The following ZNF493 variants were observed in gnomAD, a reference collection of about 807,000 sequenced individuals.
ZNF493 encodes the protein zinc finger protein 493.
Under a neutral mutation model 12.2 loss-of-function variants are expected in ZNF493, and 11 were observed. That is an observed-to-expected ratio of 0.90 (90% CI 0.57 to 1.50). ZNF493 has a LOEUF of 1.50. ZNF493 is among the 40% of genes most tolerant of loss of function. The probability of loss-of-function intolerance (pLI) is 0.00; values close to 1 mark genes in which losing one functional copy is unlikely to be tolerated. For missense variants in ZNF493, 950 were observed against 906.6 expected, an observed-to-expected ratio of 1.05 and a Z score of -0.61; for synonymous variants, 286 against 302.6, an observed-to-expected ratio of 0.95 and a Z score of 0.57.
intron 3 of ZNF493, among the ~76,000 whole-genome samples, chr19:21,417,893 T>A (rs895546900): frequency 6.6e-6 from 1 of 152,126 alleles, no homozygotes; most frequent in African/African-American, 2.4e-5. Context: ...TCTTTAAGAG[T>A]CTTATTACAA....
chr19:21,411,444 G>A (rs2145285094), intron 3 of ZNF493, among the ~76,000 whole-genome samples: 1 of 152,204 alleles, frequency 6.6e-6, no homozygotes, highest in Admixed American at 6.5e-5. Flanking sequence ...AGCAGGTTGG[G>A]TGCGCTGTCT....
At chr19:21,408,864 A>G (rs1015814924) in intron 3 of ZNF493, 21 of 853,208 alleles carry the variant, frequency 2.5e-5, no homozygotes, top group Middle Eastern at 1.2e-3. Flanking sequence ...TATCTTGTAT[A>G]TATTCTTTCT....
In ZNF493 at chr19:21,405,846, C is replaced by T; in HGVS notation, c.243C>T (p.Val81=). 3 of 1,442,392 alleles carry T rather than the reference C, an allele frequency of 2.1e-6. No homozygotes were observed. The highest frequency in any genetic ancestry group is 2.8e-6 in the Non-Finnish European group (3 of 1,079,822). The allele number at this position is 1,442,392 out of a possible 1,614,324, so 89.3% of individuals were successfully genotyped here. A position where few individuals can be genotyped will look rare whatever the true frequency, so the allele number is the denominator to read the frequency against. Residue 81 remains valine, a synonymous_variant, in exon 3 of 4, where the codon GTC becomes GTT. Coordinates refer to ENST00000392288, the MANE Select transcript of ZNF493 (RefSeq NM_001076678.3). ...PWNMKGHSTV[V]KPPVICSHFA... is the part of the protein sequence containing the mutation. Reference sequence around the variant, plus strand: ...ATATGAAGGGACACAGTACGGTAGTCAAACCCCCAGGTAGGTGAGAGTGAA... The same window carrying T: ...ATATGAAGGGACACAGTACGGTAGTTAAACCCCCAGGTAGGTGAGAGTGAA...
chr19:21,417,550 G>A (rs985496782), intron 3 of ZNF493, among the ~76,000 whole-genome samples: 3 of 152,034 alleles, frequency 2.0e-5, no homozygotes, highest in African/African-American at 7.2e-5. Context: ...ATCCATATAC[G>A]GTTCTTTTGG....
chr19:21,421,181 T>C lies in ZNF493; in HGVS notation c.254-1732T>C, dbSNP rs2030666622. 2.0e-5 allele frequency among the ~76,000 whole-genome samples: 3 copies of C among 151,486 alleles called. No homozygotes were observed. The South Asian group carries it at 6.3e-4, about 32-fold the overall frequency. On this transcript the variant is annotated intron_variant, in intron 3 of 3. Transcript: ENST00000392288. ...TTTGTTGAGCTTTTTTATTTTTACA[T>C]CATTTTTCAAGATTTTTCAGGGTTT...
At chr19:21,412,582 G>GCTACTTCTACTT (rs144913743) in intron 3 of ZNF493, 1 of 157,798 alleles carries the variant, frequency 6.3e-6, no homozygotes, top group Non-Finnish European at 1.4e-5. Context: ...GTCACGGTGA[G>GCTACTTCTACTT]CTACTTCTCG....
Position 21,423,336 on chromosome 19 carries a change from C to A in ZNF493, c.677C>A (p.Thr226Asn). Reference protein sequence around the residue: ...GKAFIWFSTLTRHRRVHTGEK... With the variant: ...GKAFIWFSTLNRHRRVHTGEK... ...GCCTTTATCTGGTTTTCAACCCTTACTAGACACAGGAGAGTTCATACTGGA... is the reference window on the plus strand; with the variant it reads ...GCCTTTATCTGGTTTTCAACCCTTAATAGACACAGGAGAGTTCATACTGGA... The change falls in exon 4 of 4, where the codon ACT becomes AAT. Residue 226 changes from threonine (T) to asparagine (N), a missense_variant. Transcript: ENST00000392288. The A allele has an allele frequency of 6.2e-7, 1 of 1,613,680 alleles. No homozygotes were observed.
chr19:21,417,303 T>A (rs2030524210), intron 3 of ZNF493, among the ~76,000 whole-genome samples: 1 of 152,190 alleles, frequency 6.6e-6, no homozygotes, highest in Non-Finnish European at 1.5e-5. Flanking sequence ...GAGTATTTCC[T>A]TTATCCACTC....
chr19:21,401,552 G>A (rs1331639486), intron 1 of ZNF493, among the ~76,000 whole-genome samples: 3 of 151,816 alleles, frequency 2.0e-5, no homozygotes, highest in African/African-American at 7.3e-5. Context: ...TTTACATCTG[G>A]TAGAATTCAG....
chr19:21,420,946 C>G (rs1406440226), intron 3 of ZNF493, among the ~76,000 whole-genome samples: 1 of 151,596 alleles, frequency 6.6e-6, no homozygotes, highest in African/African-American at 2.4e-5. Context: ...ATGGGTTCCC[C>G]CATGTTGGTC....
chr19:21,412,397 C>T (rs540338475), intron 3 of ZNF493: 5 of 152,558 alleles, frequency 3.3e-5, no homozygotes, highest in African/African-American at 7.2e-5. Flanking sequence ...GCCCTCATTC[C>T]GGTAAACCGA....
intron 3 of ZNF493, among the ~76,000 whole-genome samples, chr19:21,422,656 A>G (rs1031326257): frequency 6.6e-6 from 1 of 151,946 alleles, no homozygotes; most frequent in Non-Finnish European, 1.5e-5. Context: ...TGTTGGGTAA[A>G]TGTAACAAAC....
chr19:21,420,591 T>TATATATATATATA (rs2030628079), intron 3 of ZNF493, among the ~76,000 whole-genome samples: 3 of 10,680 alleles, frequency 2.8e-4, no homozygotes, highest in African/African-American at 1.4e-3. Flanking sequence ...ACTCACTTGA[T>TATATATATATATA]TATATATATA....
chr19:21,422,860 A>G (rs960660581), intron 3 of ZNF493, 53 bp from the exon 4 acceptor site: 50 of 1,435,554 alleles, frequency 3.5e-5, no homozygotes, highest in East Asian at 4.6e-5. Context: ...TTTGTAATCT[A>G]TATTTATCTG....
rs926024968 is a variant in ZNF493, at chr19:21,425,397, C to T, written c.*413C>T. ...CAAAGCTTTTTACTGATTCTTATACCTTACTAAACATAAAATAATTCATAA... is the reference window on the plus strand; with the variant it reads ...CAAAGCTTTTTACTGATTCTTATACTTTACTAAACATAAAATAATTCATAA... On this transcript the variant is annotated 3_prime_UTR_variant, in exon 4 of 4. Coordinates refer to ENST00000392288, the MANE Select transcript of ZNF493 (RefSeq NM_001076678.3). 24 of 422,130 alleles carry T rather than the reference C, an allele frequency of 5.7e-5. No homozygotes were observed. Among genetic ancestry groups the T allele is most frequent in the Non-Finnish European group, 9.8e-5 (21 of 215,234 alleles). The allele number at this position is 422,130 out of a possible 1,614,324, so 26.1% of individuals were successfully genotyped here.
At position 21,425,288 on chromosome 19, in the gene ZNF493, C is replaced by A; in HGVS notation, c.*304C>A. 2.2e-6 allele frequency: 1 copy of A among 464,544 alleles called. No homozygotes were observed. 28.8% of individuals were successfully genotyped at this position (464,544 alleles called of 1,614,324 possible). On this transcript the variant is annotated 3_prime_UTR_variant, in exon 4 of 4. Coordinates refer to ENST00000392288, the MANE Select transcript of ZNF493 (RefSeq NM_001076678.3). ...AATCCTACAAATATGAAGAATGTGA[C>A]AAAGCTTTTAACCACTTCTCAACCC...
At position 21,423,153 on chromosome 19, in the gene ZNF493, A is replaced by G. The variant is rs2145310284; in HGVS notation, c.494A>G (p.Lys165Arg). The G allele has an allele frequency of 6.2e-7, 1 of 1,613,532 alleles. No individual in the cohort carries two copies. The highest frequency in any genetic ancestry group is 1.7e-5 in the Admixed American group (1 of 59,966). The change falls in exon 4 of 4, where the codon AAA becomes AGA. Residue 165 changes from lysine (K) to arginine (R), a missense_variant. Coordinates refer to ENST00000392288, the MANE Select transcript of ZNF493 (RefSeq NM_001076678.3). ...GATAAATATGTGAAAGTCTTTCATAAACTTTTAAATTCAAATAGACATAAC... is the reference window on the plus strand; with the variant it reads ...GATAAATATGTGAAAGTCTTTCATAGACTTTTAAATTCAAATAGACATAAC... Reference protein sequence around the residue: ...QCDKYVKVFHKLLNSNRHNTK... With the variant: ...QCDKYVKVFHRLLNSNRHNTK...
intron 3 of ZNF493, 81 bp from the exon 4 acceptor site, chr19:21,422,832 A>T: frequency 7.8e-7 from 1 of 1,273,934 alleles, no homozygotes; most frequent in Non-Finnish European, 1.1e-6. Flanking sequence ...TGCAGTTTGT[A>T]TAATATTATA....
chr19:21,424,952 G>C lies in ZNF493; in HGVS notation c.2293G>C (p.Gly765Arg). 6.3e-7 allele frequency: 1 copy of C among 1,599,760 alleles called. No homozygotes were observed. The highest frequency in any genetic ancestry group is 8.5e-7 in the Non-Finnish European group (1 of 1,173,504). Reference protein sequence around the residue: ...HLSRHKIIHIGIHTEETVQK With the variant: ...HLSRHKIIHIRIHTEETVQK ...TAGTAGACATAAGATAATTCATATT[G>C]GAATTCATACTGAAGAGACTGTACA... is the stretch of plus-strand genomic sequence containing the variant. The change falls in exon 4 of 4, where the codon GGA becomes CGA. Residue 765 changes from glycine to arginine, a missense_variant. Coordinates refer to ENST00000392288, the MANE Select transcript of ZNF493 (RefSeq NM_001076678.3).
Sources: gnomAD v4.1 joint callset for allele counts (sites outside exome capture counted in the v4.1 genomes callset) on GRCh38, gnomAD v4.1.1 for gene constraint, MANE v1.5 for transcripts, NCBI Gene and HGNC (gene_info 2026-07-23, HGNC 2026-07-21) for gene names.